TIAM2: variants seen among roughly 807,000 people sequenced by gnomAD.
The protein encoded by TIAM2 is rho guanine nucleotide exchange factor TIAM2.
TIAM2 carries 80 observed loss-of-function variants against 152.9 expected under a neutral mutation model. The ratio of observed to expected loss-of-function variants is 0.52; its 90% CI spans 0.44 to 0.63. The LOEUF (loss-of-function observed/expected upper bound fraction) is 0.63. TIAM2 is among the 30% of genes least tolerant of loss of function. The probability of loss-of-function intolerance (pLI) is 0.00; values close to 1 mark genes in which losing one functional copy is unlikely to be tolerated. For missense variants in TIAM2, 1,965 were observed against 2,120.1 expected, an observed-to-expected ratio of 0.93 and a Z score of 1.44; for synonymous variants, 804 against 838.0, an observed-to-expected ratio of 0.96 and a Z score of 0.70.
intron 2 of TIAM2, among the ~76,000 whole-genome samples, chr6:155,114,038 T>TATATA (rs1562320509): frequency 2.6e-4 from 6 of 22,870 alleles, no homozygotes; most frequent in African/African-American, 6.5e-4. Context: ...ATATATATAT[T>TATATA]TTTTTTTTTT....
At chr6:155,076,466 AG>A (rs1562308887) in intron 1 of TIAM2, among the ~76,000 whole-genome samples, 2 of 152,192 alleles carry the variant, frequency 1.3e-5, no homozygotes, top group African/African-American at 4.8e-5. Context: ...TGCTTTCAGT[AG>A]AAGGAAATTC....
At chr6:155,255,229 A>G (rs1487962414) in intron 26 of TIAM2, 3 of 152,204 alleles carry the variant, frequency 2.0e-5, no homozygotes, top group Non-Finnish European at 4.4e-5. Flanking sequence ...TCGACTTTCC[A>G]TATTATCAAC....
intron 1 of TIAM2, among the ~76,000 whole-genome samples, chr6:155,038,661 A>G (rs1340103474): frequency 3.3e-5 from 5 of 152,218 alleles, no homozygotes; most frequent in African/African-American, 1.2e-4. Flanking sequence ...GGCTGGGTGC[A>G]GTGGCTCATG....
chr6:155,028,903 C>CTATGTTATATATACACTGTATGTACTATA (rs1776715770), intron 1 of TIAM2, among the ~76,000 whole-genome samples: 1 of 55,110 alleles, frequency 1.8e-5, no homozygotes, highest in Non-Finnish European at 3.5e-5. Context: ...TATATACTAT[C>CTATGTTATATATACACTGTATGTACTATA]TATACTATGT....
chr6:155,196,350 G>A (rs1488317755), intron 14 of TIAM2, among the ~76,000 whole-genome samples: 1 of 152,138 alleles, frequency 6.6e-6, no homozygotes. Flanking sequence ...TGTTCATGTT[G>A]AATATTTCAC....
At position 155,022,041 on chromosome 6, in the gene TIAM2, G is replaced by A. The variant is rs538871202; in HGVS notation, c.-209+26549G>A. ...GCCAACTAGTAGCATCTGCAGCTTC[G>A]TACTTGGTGTTAAGTAATTTGCTTT... On this transcript the variant is annotated intron_variant, in intron 1 of 26. Coordinates refer to ENST00000682666, the MANE Select transcript of TIAM2 (RefSeq NM_012454.4). 9.7e-4 allele frequency among the ~76,000 whole-genome samples: 147 copies of A among 152,244 alleles called. 2 individuals are homozygous for A. Among genetic ancestry groups the A allele is most frequent in the African/African-American group, 3.3e-3 (138 of 41,556 alleles).
intron 15 of TIAM2, chr6:155,217,057 G>T (rs1781878171): frequency 7.8e-7 from 1 of 1,289,296 alleles, no homozygotes; most frequent in Admixed American, 2.3e-5. Context: ...GAGGGAGCAG[G>T]TTTCTTTGAA....
intron 7 of TIAM2, among the ~76,000 whole-genome samples, chr6:155,159,242 A>G (rs1780201922): frequency 6.6e-6 from 1 of 152,130 alleles, no homozygotes; most frequent in African/African-American, 2.4e-5. Flanking sequence ...ACTGAGTGAG[A>G]GTGTGGTAGT....
chr6:155,226,966 C>A (rs1782270580), intron 15 of TIAM2, among the ~76,000 whole-genome samples: 1 of 152,216 alleles, frequency 6.6e-6, no homozygotes, highest in South Asian at 2.1e-4. Flanking sequence ...TGGCGAAGGC[C>A]ATCCCAAACA....
In TIAM2 at chr6:155,137,200, T is replaced by C. The variant is rs761861250; in HGVS notation, c.1218T>C (p.Ser406=). The C allele has an allele frequency of 1.9e-6, 3 of 1,613,532 alleles. No individual in the cohort carries two copies. Among genetic ancestry groups the C allele is most frequent in the South Asian group, 1.1e-5 (1 of 91,076 alleles). Residue 406 remains serine, a synonymous_variant, in exon 5 of 27, where the codon AGT becomes AGC. Coordinates refer to ENST00000682666, the MANE Select transcript of TIAM2 (RefSeq NM_012454.4). ...KLQEPRSKEG[S]DYFDSRSDGL... ...AGGAGCCGAGGTCCAAGGAGGGCAG[T>C]GACTACTTTGACAGTCGCTCTGATG...
chr6:155,252,099 G>A, intron 23 of TIAM2, 96 bp downstream of exon 23: 1 of 929,454 alleles, frequency 1.1e-6, no homozygotes, highest in Non-Finnish European at 1.7e-6. Flanking sequence ...CCAAGGCTGG[G>A]CTGACTGATA....
intron 1 of TIAM2, among the ~76,000 whole-genome samples, chr6:155,016,831 C>T (rs1484605492): frequency 7.2e-5 from 11 of 152,208 alleles, no homozygotes; most frequent in South Asian, 4.2e-4. Context: ...ACCTGGGAAG[C>T]GGAAGTTGCT....
At chr6:155,133,288 A>G (rs1217660746) in intron 4 of TIAM2, among the ~76,000 whole-genome samples, 1 of 152,198 alleles carries the variant, frequency 6.6e-6, no homozygotes, top group Non-Finnish European at 1.5e-5. Context: ...TGGAGGTTGC[A>G]GTGAGCTGAG....
At chr6:155,142,304 C>T (rs1367647083) in intron 5 of TIAM2, among the ~76,000 whole-genome samples, 2 of 152,114 alleles carry the variant, frequency 1.3e-5, no homozygotes, top group African/African-American at 4.8e-5. Context: ...CCTGGCCTGG[C>T]TCTAATGTGA....
intron 2 of TIAM2, among the ~76,000 whole-genome samples, chr6:155,119,630 C>T (rs1187700145): frequency 1.3e-5 from 2 of 152,244 alleles, no homozygotes; most frequent in Admixed American, 1.3e-4. Context: ...TGAGCCACCA[C>T]GTCCAGCCAA....
rs1224608757 is a variant in TIAM2, at chr6:155,254,592, TTG to T, written c.4468+23_4468+24del. On this transcript the variant is annotated intron_variant, in intron 26 of 26. Transcript: ENST00000682666. ...AAATTAGGTGAGAATTTTGCTAGCC[TTG>T]TGTTTATTCAACAAAATATTATGAG... is the stretch of plus-strand genomic sequence containing the variant. 6.2e-7 allele frequency: 1 copy of T among 1,605,142 alleles called. No homozygotes were observed. Among genetic ancestry groups the T allele is most frequent in the Admixed American group, 1.7e-5 (1 of 59,896 alleles).
At chr6:155,105,337 G>A (rs537667566) in intron 2 of TIAM2, among the ~76,000 whole-genome samples, 1 of 150,356 alleles carries the variant, frequency 6.7e-6, no homozygotes, top group Admixed American at 6.6e-5. Flanking sequence ...TTTTAGTAGA[G>A]ACGAGGTTTC....
intron 1 of TIAM2, among the ~76,000 whole-genome samples, chr6:155,027,430 A>G (rs1776631370): frequency 3.1e-5 from 3 of 97,680 alleles, no homozygotes; most frequent in Admixed American, 1.3e-4. Context: ...TTACATATAT[A>G]CTATATATAA....
chr6:155,138,392 C>A (rs17085983), intron 5 of TIAM2, among the ~76,000 whole-genome samples: 1 of 151,416 alleles, frequency 6.6e-6, no homozygotes, highest in African/African-American at 2.4e-5. Flanking sequence ...GCTTTATGAA[C>A]AAAGTCTGTT....
Sources: allele counts gnomAD v4.1 joint callset (sites outside exome capture counted in the v4.1 genomes callset), GRCh38; gene constraint gnomAD v4.1.1; transcripts MANE v1.5; gene names NCBI Gene and HGNC (gene_info 2026-07-23, HGNC 2026-07-21).